TPCN1: variants seen among roughly 807,000 people sequenced by gnomAD.
TPCN1 encodes the protein two pore channel protein 1.
A neutral mutation model predicts 108.8 loss-of-function variants in TPCN1; 52 were observed. That is an observed-to-expected ratio of 0.48 (90% confidence interval 0.38 to 0.60). TPCN1 has a LOEUF of 0.60. Among genes scored for constraint, TPCN1 ranks in the 20% least tolerant of loss-of-function variants. The pLI is 0.00. For missense variants in TPCN1, 806 were observed against 1,072.8 expected (o/e 0.75, Z 3.47); for synonymous variants, 446 against 433.7 (o/e 1.03, Z -0.35).
intron 15 of TPCN1, 166 bp downstream of exon 15, chr12:113,280,361 C>G (rs901310649): frequency 7.7e-6 from 4 of 521,452 alleles, no homozygotes; most frequent in Non-Finnish European, 1.4e-5. Context: ...CACGCATCCC[C>G]GTGCCCATCA....
rs1955995869 is a variant in TPCN1 at position 113,284,458 on chromosome 12, G to A, written c.1343-123G>A. On this transcript the variant is annotated intron_variant, in intron 15 of 27. Coordinates refer to ENST00000335509, the MANE Select transcript of TPCN1 (RefSeq NM_017901.6). The surrounding 1 kb of genome is among the most constrained non-coding windows in gnomAD (Gnocchi z 4.1). Reference sequence around the variant, plus strand: ...AAGTTCCCTATCAAATGGGTGTGTGGAGCAGCCCTGTTCTCCCCATCCCGT... The same window carrying A: ...AAGTTCCCTATCAAATGGGTGTGTGAAGCAGCCCTGTTCTCCCCATCCCGT... 1 of 1,068,076 alleles carries A rather than the reference G, an allele frequency of 9.4e-7. No homozygotes were observed. Among genetic ancestry groups the A allele is most frequent in the South Asian group, 1.4e-5 (1 of 72,808 alleles). 66.2% of individuals were successfully genotyped at this position (1,068,076 alleles called of 1,614,324 possible).
chr12:113,289,026 C>T lies in TPCN1; in HGVS notation c.1796+179C>T, dbSNP rs191215470. Among the ~76,000 whole-genome samples the T allele has an allele frequency of 3.9e-5, 6 of 152,312 alleles. No individual in the cohort carries two copies. The highest frequency in any genetic ancestry group is 2.1e-4 in the South Asian group (1 of 4,824). On this transcript the variant is annotated intron_variant, in intron 21 of 27. Coordinates refer to ENST00000335509, the MANE Select transcript of TPCN1 (RefSeq NM_017901.6). The surrounding 1 kb of genome is among the most constrained non-coding windows in gnomAD (Gnocchi z 4.1). ...GTGAGCTAAATGAGGGGCCTGGACTCGGGGTCCCTGTTTCTCCATCCCCCA... is the reference window on the plus strand; with the variant it reads ...GTGAGCTAAATGAGGGGCCTGGACTTGGGGTCCCTGTTTCTCCATCCCCCA...
At chr12:113,283,152 G>A (rs1158547111) in intron 15 of TPCN1, among the ~76,000 whole-genome samples, 1 of 152,148 alleles carries the variant, frequency 6.6e-6, no homozygotes, top group Non-Finnish European at 1.5e-5. Flanking sequence ...GTATATTGAA[G>A]GAAGTTTAGT....
chr12:113,263,763 T>G (rs1955135176), intron 3 of TPCN1, among the ~76,000 whole-genome samples: 1 of 152,234 alleles, frequency 6.6e-6, no homozygotes, highest in African/African-American at 2.4e-5. Context: ...GAAACAGTAC[T>G]CATTTCTGTG....
intron 17 of TPCN1, among the ~76,000 whole-genome samples, chr12:113,285,158 T>G (rs1956027388): frequency 6.6e-6 from 1 of 152,224 alleles, no homozygotes; most frequent in Non-Finnish European, 1.5e-5. Context: ...TCCTGCTCTT[T>G]CCATCAAGTC....
intron 12 of TPCN1, among the ~76,000 whole-genome samples, chr12:113,277,750 G>T (rs569656454): frequency 6.6e-6 from 1 of 152,266 alleles, no homozygotes; most frequent in Non-Finnish European, 1.5e-5. Context: ...GATCTCCAGG[G>T]GTAGGATTGG....
At chr12:113,270,613 T>G (rs536479638) in intron 7 of TPCN1, among the ~76,000 whole-genome samples, 35 of 152,160 alleles carry the variant, frequency 2.3e-4, no homozygotes, top group South Asian at 6.2e-4. Flanking sequence ...CCCGAGTAGC[T>G]GGGACTACAG....
intron 3 of TPCN1, among the ~76,000 whole-genome samples, chr12:113,262,928 G>A (rs183236363): frequency 1.8e-4 from 28 of 152,292 alleles, no homozygotes; most frequent in African/African-American, 6.7e-4. Flanking sequence ...TTTATTCTGT[G>A]TGCTATTGCA....
chr12:113,230,281 A>ATTT, intron 2 of TPCN1, among the ~76,000 whole-genome samples: 1 of 130,104 alleles, frequency 7.7e-6, no homozygotes, highest in Non-Finnish European at 1.7e-5. Flanking sequence ...AGATCCATTC[A>ATTT]TCTTTTTTTT....
chr12:113,224,582 GAGAC>G (rs1355708975), intron 1 of TPCN1, among the ~76,000 whole-genome samples: 1 of 151,720 alleles, frequency 6.6e-6, no homozygotes. Flanking sequence ...ATTTTTAGTA[GAGAC>G]GGGGTTTCAC....
intron 3 of TPCN1, 117 bp downstream of exon 3, chr12:113,260,609 C>A: frequency 7.7e-7 from 1 of 1,299,106 alleles, no homozygotes; most frequent in Non-Finnish European, 1.0e-6. Flanking sequence ...GCTGCTGCTG[C>A]TCGTGTGTGA....
At chr12:113,271,460 A>G (rs532380106) in intron 7 of TPCN1, among the ~76,000 whole-genome samples, 1 of 152,260 alleles carries the variant, frequency 6.6e-6, no homozygotes, top group South Asian at 2.1e-4. Context: ...ATTTTACTTC[A>G]CATTTACATT....
intron 15 of TPCN1, 175 bp downstream of exon 15, chr12:113,280,370 CA>C: frequency 2.0e-6 from 1 of 506,582 alleles, no homozygotes; most frequent in African/African-American, 1.9e-5. Context: ...CCGTGCCCAT[CA>C]CCCATCTGTA....
Position 113,272,477 on chromosome 12 carries a change from C to A in TPCN1, c.749-181C>A, listed in dbSNP as rs1341582110. Among the ~76,000 whole-genome samples, 1 of 152,216 alleles carries A rather than the reference C, an allele frequency of 6.6e-6. No homozygotes were observed. Among genetic ancestry groups the A allele is most frequent in the African/African-American group, 2.4e-5 (1 of 41,456 alleles). On this transcript the variant is annotated intron_variant, in intron 7 of 27. Coordinates refer to ENST00000335509, the MANE Select transcript of TPCN1 (RefSeq NM_017901.6). This position sits in a 1 kb window ranked among gnomAD's most constrained non-coding sequence, Gnocchi z 4.1. ...GCTGTAGGGCAGCAAGCGTCTGGTG[C>A]CAGCAGCCCTGCTCCCTTCCAACAG...
At chr12:113,234,265 TAG>T (rs1953801286) in intron 2 of TPCN1, among the ~76,000 whole-genome samples, 1 of 152,186 alleles carries the variant, frequency 6.6e-6, no homozygotes, top group African/African-American at 2.4e-5. Context: ...TTCCTCTGCA[TAG>T]AGACATTTGG....
intron 10 of TPCN1, among the ~76,000 whole-genome samples, chr12:113,276,319 G>C (rs1955671820): frequency 6.6e-6 from 1 of 152,182 alleles, no homozygotes; most frequent in African/African-American, 2.4e-5. Context: ...TTCTTCCCCG[G>C]CCTTCCATCC....
Position 113,296,181 on chromosome 12 carries a change from T to C in TPCN1, c.*105T>C. 6.8e-7 allele frequency: 1 copy of C among 1,469,010 alleles called. No homozygotes were observed. The allele number at this position is 1,469,010 out of a possible 1,614,324, so 91.0% of individuals were successfully genotyped here. On this transcript the variant is annotated 3_prime_UTR_variant, in exon 28 of 28. Transcript: ENST00000335509. ...GTACACATACTCACGTATATGCACA[T>C]ATTTATATACAGGAAGAAAAAAGAC...
Position 113,277,356 on chromosome 12 carries a change from C to G in TPCN1, c.1176C>G (p.Pro392=). 1 of 1,614,168 alleles carries G rather than the reference C, an allele frequency of 6.2e-7. No homozygotes were observed. Among genetic ancestry groups the G allele is most frequent in the Non-Finnish European group, 8.5e-7 (1 of 1,180,034 alleles). ...AGGCCCTGAATCAGAACAACACACC[C>G]CTGCTCAGGTAAGAGCAGATGCCTG... ...TFKALNQNNT[P]LLSLKDFYDI... The change falls in exon 12 of 28, where the codon CCC becomes CCG. Residue 392 remains proline, a synonymous_variant. Transcript: ENST00000335509.
rs114139778 is a variant in TPCN1 at position 113,269,713 on chromosome 12, C to T, written c.660-44C>T. The T allele has an allele frequency of 2.5e-3, 3,915 of 1,577,300 alleles. 82 individuals carry two copies. In the African/African-American group the frequency reaches 0.045, roughly 18 times the overall value. Reference sequence around the variant, plus strand: ...CAACAAGGAGGAGTCCCAGGCAGCCCGCCCCAGCTGGTGCCTCCCCTGAGC... The same window carrying T: ...CAACAAGGAGGAGTCCCAGGCAGCCTGCCCCAGCTGGTGCCTCCCCTGAGC... On this transcript the variant is annotated intron_variant, in intron 6 of 27. Transcript: ENST00000335509. This position sits in a 1 kb window ranked among gnomAD's most constrained non-coding sequence, Gnocchi z 5.0.
Sources: allele counts gnomAD v4.1 joint callset (sites outside exome capture counted in the v4.1 genomes callset), GRCh38; gene constraint gnomAD v4.1.1; non-coding constraint Gnocchi (gnomAD v3.1); transcripts MANE v1.5; gene names NCBI Gene and HGNC (gene_info 2026-07-23, HGNC 2026-07-21).